The following BRF1 variants were observed in gnomAD, a reference collection of about 807,000 sequenced individuals.
The protein encoded by BRF1 is BRF1 general transcription factor IIIB subunit.
BRF1 carries 59 observed loss-of-function variants against 81.7 expected under a neutral mutation model. The observed-to-expected ratio is 0.72, with a 90% CI of 0.59 to 0.90. BRF1 has a LOEUF of 0.90. BRF1 is among the 40% of genes least tolerant of loss of function. The pLI is 0.00. For missense variants in BRF1, 1,050 were observed against 936.3 expected (o/e 1.12, Z -1.58); for synonymous variants, 491 against 395.6 (o/e 1.24, Z -2.86).
intron 2 of BRF1, among the ~76,000 whole-genome samples, chr14:105,279,810 A>G (rs770365902): frequency 6.6e-6 from 1 of 152,260 alleles, no homozygotes; most frequent in Non-Finnish European, 1.5e-5. Flanking sequence ...CTAGACGTCC[A>G]TCAACAGGAA....
At chr14:105,266,144 T>G (rs2056405383) in intron 3 of BRF1, among the ~76,000 whole-genome samples, 1 of 151,720 alleles carries the variant, frequency 6.6e-6, no homozygotes. Flanking sequence ...TAGCCTCGAG[T>G]GCTTATGTTA....
Position 105,252,697 on chromosome 14 carries a change from G to C in BRF1, c.472-118C>G, listed in dbSNP as rs1038934107. ...AAAGACTCCGATGGCCCGTGGAGCA[G>C]CCACCCCACACCCGCAAGCCTGGCT... is the stretch of plus-strand genomic sequence containing the variant. On this transcript the variant is annotated intron_variant, in intron 4 of 17. Transcript: ENST00000547530. The C allele has an allele frequency of 3.7e-6, 4 of 1,089,268 alleles. No homozygotes were observed. In the African/African-American group the frequency reaches 6.4e-5, roughly 17 times the overall value. 67.5% of individuals were successfully genotyped at this position (1,089,268 alleles called of 1,614,324 possible).
chr14:105,257,113 G>A lies in BRF1; in HGVS notation c.440-564C>T, dbSNP rs980568445. On this transcript the variant is annotated intron_variant, in intron 3 of 17. Coordinates refer to ENST00000547530, the MANE Select transcript of BRF1 (RefSeq NM_001519.4). ...CTCGAGAGACAGGTGTGGGGACCCCGCACAGGACCTGTCTTCGCTCAGATG... is the reference window on the plus strand; with the variant it reads ...CTCGAGAGACAGGTGTGGGGACCCCACACAGGACCTGTCTTCGCTCAGATG... Among the ~76,000 whole-genome samples the A allele has an allele frequency of 4.6e-5, 7 of 152,256 alleles. 1 individual carries two copies. The highest frequency in any genetic ancestry group is 3.3e-4 in the Admixed American group (5 of 15,294).
In BRF1 at chr14:105,217,286, C is replaced by G. The variant is rs1161037740; in HGVS notation, c.1772+258G>C. On this transcript the variant is annotated intron_variant, in intron 15 of 17. Transcript: ENST00000547530. ...GGATTGTCCCAGCCCCTCCTTGGGA[C>G]AAAACAGAGCCTAGGCTGCAGGACC... 8.0e-5 allele frequency: 48 copies of G among 599,228 alleles called. 1 individual carries two copies. The South Asian group carries it at 9.9e-4, about 12-fold the overall frequency. The allele number at this position is 599,228 out of a possible 1,614,324, so 37.1% of individuals were successfully genotyped here.
At position 105,218,982 on chromosome 14, in the gene BRF1, C is replaced by T. The variant is rs75894747; in HGVS notation, c.1515+16G>A. ...ACACCCCCAAGAAGGCCAGGCCCAG[C>T]GTCACAGGCGCCCACCTTGTGTTCC... On this transcript the variant is annotated intron_variant, in intron 14 of 17. Transcript: ENST00000547530. The T allele has an allele frequency of 1.6e-3, 2,642 of 1,613,770 alleles. 44 individuals carry two copies. The African/African-American group carries it at 0.031, about 19-fold the overall frequency.
At chr14:105,270,487 T>C (rs1485415742) in intron 3 of BRF1, among the ~76,000 whole-genome samples, 1 of 151,010 alleles carries the variant, frequency 6.6e-6, no homozygotes, top group Non-Finnish European at 1.5e-5. Flanking sequence ...AATTTCAAAA[T>C]GTTAAAAGGA....
chr14:105,260,096 A>T (rs910713946), intron 3 of BRF1, among the ~76,000 whole-genome samples: 1 of 152,180 alleles, frequency 6.6e-6, no homozygotes, highest in Non-Finnish European at 1.5e-5. Context: ...CTGACGGGTG[A>T]CCGTTTGTCA....
At chr14:105,282,456 C>A (rs2057145586) in intron 2 of BRF1, among the ~76,000 whole-genome samples, 1 of 152,202 alleles carries the variant, frequency 6.6e-6, no homozygotes, top group Non-Finnish European at 1.5e-5. Flanking sequence ...CAGATTTCCA[C>A]CAAACCTGGC....
intron 5 of BRF1, chr14:105,249,965 G>A (rs773116835): frequency 4.3e-6 from 7 of 1,612,332 alleles, no homozygotes; most frequent in Non-Finnish European, 5.9e-6. Flanking sequence ...GGTCTTCGAG[G>A]CCGTCCTGAA....
intron 3 of BRF1, among the ~76,000 whole-genome samples, chr14:105,264,411 TC>T (rs1237745236): frequency 2.0e-5 from 3 of 151,672 alleles, no homozygotes; most frequent in African/African-American, 4.8e-5. Context: ...ACACCTATAA[TC>T]CCAGCACTTT....
In BRF1 at chr14:105,249,767, G is replaced by A. The variant is rs767275800; in HGVS notation, c.544+2740C>T. On this transcript the variant is annotated intron_variant, in intron 5 of 17. Transcript: ENST00000547530. ...CAACTTTCTGGAGACAAGTTTGGAA[G>A]CCAAGAACGCCTGCGTCCTGCTGTC... 5 of 1,613,758 alleles carry A rather than the reference G, an allele frequency of 3.1e-6. No individual in the cohort carries two copies. The South Asian group carries it at 4.4e-5, about 14-fold the overall frequency.
In BRF1 at chr14:105,269,292, T is replaced by G. The variant is rs2056557692; in HGVS notation, c.439+3429A>C. ...CCCGAGACCAGCCCGAAGCATCCTC[T>G]GAGGATGCTGAAGGGAGCCCCACCA... On this transcript the variant is annotated intron_variant, in intron 3 of 17. Coordinates refer to ENST00000547530, the MANE Select transcript of BRF1 (RefSeq NM_001519.4). The surrounding 1 kb of genome is among the most constrained non-coding windows in gnomAD (Gnocchi z 5.0). Among the ~76,000 whole-genome samples the G allele has an allele frequency of 6.6e-6, 1 of 151,998 alleles. No individual in the cohort carries two copies. The highest frequency in any genetic ancestry group is 1.5e-5 in the Non-Finnish European group (1 of 67,966).
At chr14:105,250,111 G>C in intron 5 of BRF1, 1 of 1,612,988 alleles carries the variant, frequency 6.2e-7, no homozygotes, top group Non-Finnish European at 8.5e-7. Flanking sequence ...GCGCTGCCCA[G>C]TCAGACATCC....
chr14:105,286,024 C>T (rs2057301004), intron 2 of BRF1, among the ~76,000 whole-genome samples: 2 of 152,196 alleles, frequency 1.3e-5, no homozygotes, highest in African/African-American at 4.8e-5. Context: ...GTTATTTCTG[C>T]CTCCATCTCA....
In BRF1 at chr14:105,217,872, G is replaced by A. The variant is rs914037388; in HGVS notation, c.1516-72C>T. 5.7e-6 allele frequency: 9 copies of A among 1,571,546 alleles called. No individual in the cohort carries two copies. The African/African-American group carries it at 6.7e-5, about 12-fold the overall frequency. On this transcript the variant is annotated intron_variant, in intron 14 of 17. Transcript: ENST00000547530. ...CACTCCACCATCAGGGGCTCCACGT[G>A]AGGCCAGGAGTGCAGGCGGGTGAGG...
intron 1 of BRF1, among the ~76,000 whole-genome samples, chr14:105,286,639 T>C (rs962222535): frequency 2.0e-5 from 3 of 151,966 alleles, no homozygotes; most frequent in African/African-American, 7.3e-5. Context: ...GGAGTCTCCC[T>C]CTGTTGCCCA....
chr14:105,263,103 G>C (rs2056230838), intron 3 of BRF1, among the ~76,000 whole-genome samples: 1 of 152,060 alleles, frequency 6.6e-6, no homozygotes, highest in Non-Finnish European at 1.5e-5. Context: ...CAGGCATGGT[G>C]GTGGGCACCT....
At position 105,262,883 on chromosome 14, in the gene BRF1, T is replaced by C. The variant is rs115701568; in HGVS notation, c.440-6334A>G. 2.2e-3 allele frequency among the ~76,000 whole-genome samples: 340 copies of C among 151,800 alleles called. 2 individuals are homozygous for C. The highest frequency in any genetic ancestry group is 8.0e-3 in the African/African-American group (330 of 41,368). ...ATAGTCTGGCAGTGCCAGGCCAGGA[T>C]TGCCTGAGGACAGGAGTTCAAGACC... On this transcript the variant is annotated intron_variant, in intron 3 of 17. Coordinates refer to ENST00000547530, the MANE Select transcript of BRF1 (RefSeq NM_001519.4).
chr14:105,254,623 G>A (rs984933707), intron 4 of BRF1, among the ~76,000 whole-genome samples: 7 of 151,966 alleles, frequency 4.6e-5, no homozygotes, highest in Admixed American at 2.6e-4. Context: ...GTGCAATGGC[G>A]CAATCGTGAC....
Sources: gnomAD v4.1 joint callset for allele counts (sites outside exome capture counted in the v4.1 genomes callset) on GRCh38, gnomAD v4.1.1 for gene constraint, Gnocchi (gnomAD v3.1) non-coding constraint, MANE v1.5 for transcripts, NCBI Gene and HGNC (gene_info 2026-07-23, HGNC 2026-07-21) for gene names.